UGT1A8: variants seen among roughly 807,000 people sequenced by gnomAD.
The protein encoded by UGT1A8 is UDP glucuronosyltransferase family 1 member A8.
Under a neutral mutation model 45.3 loss-of-function variants are expected in UGT1A8, and 39 were observed. The observed-to-expected ratio is 0.86, with a 90% CI of 0.67 to 1.12. The LOEUF (loss-of-function observed/expected upper bound fraction) is 1.12, where lower values mean the gene tolerates loss of function less well. UGT1A8 is among the 50% of genes most tolerant of loss of function. UGT1A8 has a pLI of 0.00. For missense variants in UGT1A8, 719 were observed against 664.9 expected (o/e 1.08, Z -0.90); for synonymous variants, 275 against 249.2 (o/e 1.10, Z -0.97).
chr2:233,641,916 T>G (rs968932887), intron 1 of UGT1A8, among the ~76,000 whole-genome samples: 3 of 152,128 alleles, frequency 2.0e-5, no homozygotes, highest in East Asian at 1.9e-4. Context: ...TCTCTTCTCT[T>G]GCTGCTTTTA....
intron 1 of UGT1A8, among the ~76,000 whole-genome samples, chr2:233,634,671 T>C (rs1041568645): frequency 7.1e-6 from 1 of 140,640 alleles, no homozygotes; most frequent in Non-Finnish European, 1.5e-5. Context: ...TATTCCTCTA[T>C]CCCTTTATTT....
intron 1 of UGT1A8, among the ~76,000 whole-genome samples, chr2:233,666,350 T>A (rs1331329553): frequency 6.6e-6 from 1 of 152,222 alleles, no homozygotes; most frequent in East Asian, 1.9e-4. Context: ...ATAATTCAGC[T>A]ATATCATTTG....
chr2:233,747,886 A>G, intron 1 of UGT1A8: 2 of 1,613,554 alleles, frequency 1.2e-6, no homozygotes, highest in South Asian at 1.1e-5. Flanking sequence ...TACCTTTGCC[A>G]TGCTCTTTCT....
At chr2:233,739,444 G>A (rs1292544084) in intron 1 of UGT1A8, among the ~76,000 whole-genome samples, 1 of 152,214 alleles carries the variant, frequency 6.6e-6, no homozygotes, top group African/African-American at 2.4e-5. Context: ...ACCCTGCAAA[G>A]CCACAGGGTT....
intron 1 of UGT1A8, chr2:233,672,554 T>A (rs201242485): frequency 8.7e-5 from 140 of 1,613,744 alleles, no homozygotes; most frequent in Non-Finnish European, 8.5e-7. Flanking sequence ...AAGGAGAGAG[T>A]ACGGAACCAC....
At chr2:233,701,926 T>G (rs1413982400) in intron 1 of UGT1A8, among the ~76,000 whole-genome samples, 2 of 151,800 alleles carry the variant, frequency 1.3e-5, no homozygotes, top group African/African-American at 4.8e-5. Flanking sequence ...AACATCACAA[T>G]TAAAAGAACT....
chr2:233,690,371 T>C, intron 1 of UGT1A8: 1 of 873,752 alleles, frequency 1.1e-6, no homozygotes, highest in Non-Finnish European at 1.6e-6. Context: ...AACCTCTCCA[T>C]AGGGTCCACG....
chr2:233,713,031 A>C, intron 1 of UGT1A8: 1 of 1,613,936 alleles, frequency 6.2e-7, no homozygotes, highest in South Asian at 1.1e-5. Flanking sequence ...GCAGCTGGCC[A>C]CAGGACTGCT....
rs1236460241 is a variant in UGT1A8 at position 233,729,022 on chromosome 2, G to T, written c.856-38012G>T. ...AGGGCACTCTGTCTTCCAATTACAC[G>T]TTGATTTGCTAAGTGGCTCAGTGAC... On this transcript the variant is annotated intron_variant, in intron 1 of 4. Transcript: ENST00000373450. The T allele has an allele frequency of 3.8e-6, 6 of 1,594,546 alleles. No individual in the cohort carries two copies. The East Asian group carries it at 1.1e-4, about 30-fold the overall frequency.
In UGT1A8 at chr2:233,772,828, C is replaced by A; in HGVS notation, c.*269C>A. ...TTCAGAGGACGTGCAGACAGGCTGG[C>A]ATTCTAGATTACTTTTCTTACTCTG... is the stretch of plus-strand genomic sequence containing the variant. On this transcript the variant is annotated 3_prime_UTR_variant, in exon 5 of 5. Transcript: ENST00000373450. 1.1e-6 allele frequency: 1 copy of A among 921,124 alleles called. No individual in the cohort carries two copies. The highest frequency in any genetic ancestry group is 1.5e-6 in the Non-Finnish European group (1 of 663,786). The allele number at this position is 921,124 out of a possible 1,614,324, so 57.1% of individuals were successfully genotyped here. A position where few individuals can be genotyped will look rare whatever the true frequency, so the allele number is the denominator to read the frequency against.
intron 1 of UGT1A8, among the ~76,000 whole-genome samples, chr2:233,676,892 G>T (rs1052192077): frequency 1.3e-5 from 2 of 152,094 alleles, no homozygotes; most frequent in Non-Finnish European, 1.5e-5. Flanking sequence ...TCATACATCT[G>T]TGCACGTATT....
At chr2:233,754,978 CG>C (rs1333953486) in intron 1 of UGT1A8, 1 of 1,298,378 alleles carries the variant, frequency 7.7e-7, no homozygotes, top group Non-Finnish European at 1.0e-6. Context: ...CTGAAGACCT[CG>C]GCGGGGTCAC....
At chr2:233,691,295 C>G (rs12623271) in intron 1 of UGT1A8, 398,787 of 985,226 alleles carry the variant, frequency 0.4, 81,169 homozygotes, top group South Asian at 0.46. Context: ...TTGTAAGCTG[C>G]CAATCCTCTT....
At chr2:233,679,918 C>T (rs2074466073) in intron 1 of UGT1A8, among the ~76,000 whole-genome samples, 1 of 152,120 alleles carries the variant, frequency 6.6e-6, no homozygotes, top group Non-Finnish European at 1.5e-5. Context: ...CAATATGAGA[C>T]AAAAATGTAT....
At chr2:233,748,216 G>A in intron 1 of UGT1A8, 1 of 1,478,190 alleles carries the variant, frequency 6.8e-7, no homozygotes, top group South Asian at 1.3e-5. Flanking sequence ...CCTTCAGTGA[G>A]ATAAACTGTT....
At chr2:233,636,739 A>C (rs761034446) in intron 1 of UGT1A8, 1 of 1,614,228 alleles carries the variant, frequency 6.2e-7, no homozygotes, top group South Asian at 1.1e-5. Flanking sequence ...ACTGAATTGC[A>C]CAGTGAAGAC....
intron 1 of UGT1A8, chr2:233,743,413 C>T: frequency 7.6e-7 from 1 of 1,324,104 alleles, no homozygotes; most frequent in South Asian, 1.2e-5. Context: ...GCCCCCACTT[C>T]CCAGGGAGCC....
At chr2:233,771,865 A>G (rs1241166548) in intron 4 of UGT1A8, among the ~76,000 whole-genome samples, 1 of 149,352 alleles carries the variant, frequency 6.7e-6, no homozygotes, top group Non-Finnish European at 1.5e-5. Context: ...GATCAATAAC[A>G]TTTATTAAGA....
chr2:233,636,610 G>T (rs2073297007), intron 1 of UGT1A8: 3 of 1,614,152 alleles, frequency 1.9e-6, no homozygotes, highest in Non-Finnish European at 2.5e-6. Flanking sequence ...GAAGCTGCTG[G>T]TAGTGCCCAT....
Sources: gnomAD v4.1 joint callset for allele counts (sites outside exome capture counted in the v4.1 genomes callset) on GRCh38, gnomAD v4.1.1 for gene constraint, MANE v1.5 for transcripts, NCBI Gene and HGNC (gene_info 2026-07-23, HGNC 2026-07-21) for gene names.